TRPM3: variants seen among roughly 807,000 people sequenced by gnomAD.
The protein encoded by TRPM3 is transient receptor potential cation channel subfamily M member 3.
Under a neutral mutation model 181.2 loss-of-function variants are expected in TRPM3, and 77 were observed. The ratio of observed to expected loss-of-function variants is 0.42; its 90% CI spans 0.35 to 0.51. TRPM3 has a LOEUF of 0.51. TRPM3 is among the 20% of genes least tolerant of loss of function. TRPM3 has a pLI of 0.01. For missense variants in TRPM3, 1,759 were observed against 2,196.7 expected (o/e 0.80, Z 3.98); for synonymous variants, 745 against 796.4 (o/e 0.94, Z 1.09).
rs917091059 is a variant in TRPM3, at chr9:70,533,127, G to C, written c.*2826C>G. On this transcript the variant is annotated 3_prime_UTR_variant, in exon 26 of 26. Transcript: ENST00000677713. ...CAAGATCAGGACTGTTGAGTATTTC[G>C]TTTCCCAGTTCCTATCCTTTTCTCT... 1 of 152,132 alleles carries C rather than the reference G, an allele frequency of 6.6e-6. No homozygotes were observed. The highest frequency in any genetic ancestry group is 1.5e-5 in the Non-Finnish European group (1 of 68,030). 9.4% of individuals were successfully genotyped at this position (152,132 alleles called of 1,614,324 possible).
chr9:71,349,968 C>CATATATATATATAT (rs758622802), intron 1 of TRPM3, among the ~76,000 whole-genome samples: 4 of 67,930 alleles, frequency 5.9e-5, no homozygotes, highest in East Asian at 3.6e-4. Flanking sequence ...ATTGTAAGTG[C>CATATATATATATAT]ATATATATAT....
At chr9:70,982,414 G>A (rs2097372319) in intron 1 of TRPM3, among the ~76,000 whole-genome samples, 1 of 152,102 alleles carries the variant, frequency 6.6e-6, no homozygotes, top group Admixed American at 6.5e-5. Flanking sequence ...CTAGACAACA[G>A]TCTTCATCTT....
chr9:70,622,040 G>T (rs770403997), intron 14 of TRPM3, among the ~76,000 whole-genome samples: 1 of 152,110 alleles, frequency 6.6e-6, no homozygotes, highest in Admixed American at 6.5e-5. Flanking sequence ...ATGGTATTAG[G>T]GGGGACACTT....
intron 1 of TRPM3, among the ~76,000 whole-genome samples, chr9:70,990,493 T>C (rs543957400): frequency 6.6e-6 from 1 of 152,238 alleles, no homozygotes; most frequent in Non-Finnish European, 1.5e-5. Context: ...GATAAAAAGG[T>C]CTTGAACGGT....
At chr9:71,077,672 C>T (rs1324596971) in intron 1 of TRPM3, among the ~76,000 whole-genome samples, 1 of 152,034 alleles carries the variant, frequency 6.6e-6, no homozygotes, top group Non-Finnish European at 1.5e-5. Context: ...CTGTAACACC[C>T]GTTTTTACCC....
In TRPM3 at chr9:70,604,389, C is replaced by T. The variant is rs565897540; in HGVS notation, c.2668-919G>A. ...TGGCAGACTAGCTGGGCCTTCCTTA[C>T]ACAATGCCTCAAGTCAAGTGAGGTA... On this transcript the variant is annotated intron_variant, in intron 19 of 25. Transcript: ENST00000677713. 2.0e-5 allele frequency among the ~76,000 whole-genome samples: 3 copies of T among 152,332 alleles called. No individual in the cohort carries two copies. In the East Asian group the frequency reaches 5.8e-4, roughly 29 times the overall value.
chr9:70,560,856 C>A (rs2048868579), intron 22 of TRPM3, among the ~76,000 whole-genome samples: 1 of 152,184 alleles, frequency 6.6e-6, no homozygotes, highest in African/African-American at 2.4e-5. Context: ...CAGGGGCAGG[C>A]ACCTCCACCC....
At chr9:70,633,988 A>G (rs1477955131) in intron 12 of TRPM3, among the ~76,000 whole-genome samples, 1 of 152,178 alleles carries the variant, frequency 6.6e-6, no homozygotes, top group African/African-American at 2.4e-5. Flanking sequence ...AGGGTTCAGA[A>G]CTCAAGCTAC....
chr9:70,769,762 T>C (rs952080466), intron 7 of TRPM3, among the ~76,000 whole-genome samples: 3 of 128,764 alleles, frequency 2.3e-5, no homozygotes, highest in Non-Finnish European at 5.6e-5. Flanking sequence ...TTTGTTTGTC[T>C]TACTCTAGTA....
At chr9:71,086,211 G>A (rs749554792) in intron 1 of TRPM3, among the ~76,000 whole-genome samples, 45 of 151,834 alleles carry the variant, frequency 3.0e-4, no homozygotes, top group Non-Finnish European at 1.5e-4. Flanking sequence ...TGGGAGGGAG[G>A]GAGGAGGGCA....
intron 1 of TRPM3, among the ~76,000 whole-genome samples, chr9:70,892,318 T>C (rs1329694318): frequency 6.6e-6 from 1 of 151,812 alleles, no homozygotes; most frequent in Non-Finnish European, 1.5e-5. Flanking sequence ...AGTCTGAACA[T>C]AAAAAAAGGC....
intron 1 of TRPM3, among the ~76,000 whole-genome samples, chr9:71,226,375 G>A (rs1459021689): frequency 6.6e-6 from 1 of 151,922 alleles, no homozygotes; most frequent in Non-Finnish European, 1.5e-5. Flanking sequence ...CTCTCCAATT[G>A]AAAGACATAG....
intron 1 of TRPM3, among the ~76,000 whole-genome samples, chr9:71,323,332 G>A (rs1278610185): frequency 6.6e-6 from 1 of 152,096 alleles, no homozygotes; most frequent in Non-Finnish European, 1.5e-5. Flanking sequence ...ATTCTCTAAA[G>A]TAGTCTTTTT....
chr9:70,656,130 G>A (rs545559970), intron 9 of TRPM3, among the ~76,000 whole-genome samples: 142 of 152,274 alleles, frequency 9.3e-4, no homozygotes, highest in African/African-American at 3.2e-3. Context: ...GGTAATATTA[G>A]AAATGTCTTA....
chr9:70,956,858 C>T (rs908663257), intron 1 of TRPM3, among the ~76,000 whole-genome samples: 1 of 151,736 alleles, frequency 6.6e-6, no homozygotes, highest in Non-Finnish European at 1.5e-5. Context: ...TGCACTCCAG[C>T]CTGGGCAACA....
intron 1 of TRPM3, among the ~76,000 whole-genome samples, chr9:71,317,606 A>C (rs1588458909): frequency 6.6e-6 from 1 of 150,936 alleles, no homozygotes; most frequent in Non-Finnish European, 1.5e-5. Context: ...GGGCCACTAC[A>C]CTCCAACCTG....
intron 1 of TRPM3, among the ~76,000 whole-genome samples, chr9:71,441,702 G>A (rs1230006098): frequency 3.4e-5 from 5 of 147,584 alleles, no homozygotes; most frequent in African/African-American, 1.3e-4. Context: ...GCATGATCTC[G>A]GCTCACTGCA....
chr9:70,602,671 T>C (rs1305102884), intron 20 of TRPM3, among the ~76,000 whole-genome samples: 1 of 152,220 alleles, frequency 6.6e-6, no homozygotes, highest in African/African-American at 2.4e-5. Flanking sequence ...AATCACATTC[T>C]TTTTAGCAGC....
chr9:71,143,686 T>A (rs934923079), intron 1 of TRPM3, among the ~76,000 whole-genome samples: 9 of 152,132 alleles, frequency 5.9e-5, no homozygotes, highest in African/African-American at 1.7e-4. Context: ...ATGATTTATA[T>A]CCCTTTGGGT....
Sources: allele counts gnomAD v4.1 joint callset (sites outside exome capture counted in the v4.1 genomes callset), GRCh38; gene constraint gnomAD v4.1.1; transcripts MANE v1.5; gene names NCBI Gene and HGNC (gene_info 2026-07-23, HGNC 2026-07-21).